Variants in PRKG1 observed in about 807,000 individuals in gnomAD.
The protein encoded by PRKG1 is cGMP-dependent protein kinase 1.
PRKG1 carries 35 observed loss-of-function variants against 88.1 expected under a neutral mutation model. That is an observed-to-expected ratio of 0.40 (90% confidence interval 0.30 to 0.53). PRKG1 has a LOEUF of 0.53. Among genes scored for constraint, PRKG1 ranks in the 20% least tolerant of loss-of-function variants. PRKG1 has a pLI of 0.59. For synonymous variants in PRKG1, 303 were observed against 292.5 expected (o/e 1.04, Z -0.37); for missense variants, 540 against 839.8 (o/e 0.64, Z 4.41).
chr10:51,084,224 G>C (rs1052294827), intron 1 of PRKG1, among the ~76,000 whole-genome samples: 2 of 152,114 alleles, frequency 1.3e-5, no homozygotes, highest in Non-Finnish European at 2.9e-5. Flanking sequence ...GTTATTGCGC[G>C]TAATTGGGGA....
intron 3 of PRKG1, among the ~76,000 whole-genome samples, chr10:51,628,122 C>CTCTTTCTTTCTTTCTTTCTT (rs11269617): frequency 8.6e-6 from 1 of 116,826 alleles, no homozygotes; most frequent in African/African-American, 3.3e-5. Context: ...TTCTTTATTT[C>CTCTTTCTTTCTTTCTTTCTT]TCTTTCTTTC....
intron 9 of PRKG1, among the ~76,000 whole-genome samples, chr10:52,216,747 G>C (rs1840122716): frequency 6.6e-6 from 1 of 152,100 alleles, no homozygotes; most frequent in Non-Finnish European, 1.5e-5. Context: ...TTTAAGATCA[G>C]TTTGTTATCT....
chr10:51,508,356 A>G (rs1216057099), intron 3 of PRKG1, among the ~76,000 whole-genome samples: 1 of 152,162 alleles, frequency 6.6e-6, no homozygotes, highest in Non-Finnish European at 1.5e-5. Context: ...TCATGATAAT[A>G]TTTTTAAAAA....
intron 2 of PRKG1, among the ~76,000 whole-genome samples, chr10:51,410,955 G>A (rs910355648): frequency 6.6e-6 from 1 of 151,332 alleles, no homozygotes; most frequent in Non-Finnish European, 1.5e-5. Flanking sequence ...AATTTTCTTA[G>A]TGATTTTCAG....
intron 1 of PRKG1, among the ~76,000 whole-genome samples, chr10:51,079,293 A>C (rs1844046317): frequency 6.6e-6 from 1 of 152,220 alleles, no homozygotes; most frequent in Non-Finnish European, 1.5e-5. Flanking sequence ...AAGGTAAGTC[A>C]CAGGGGAGAT....
At chr10:52,010,179 T>C (rs1024865385) in intron 5 of PRKG1, among the ~76,000 whole-genome samples, 1 of 152,138 alleles carries the variant, frequency 6.6e-6, no homozygotes, top group Non-Finnish European at 1.5e-5. Context: ...AACTGGTATC[T>C]AATTAAACTA....
intron 1 of PRKG1, among the ~76,000 whole-genome samples, chr10:51,136,595 C>T (rs368997008): frequency 3.3e-5 from 2 of 60,562 alleles, no homozygotes; most frequent in Admixed American, 2.4e-4. Context: ...GGGAGGGGGG[C>T]GGGGGGAGAG....
chr10:51,685,534 G>A (rs1367699972), intron 3 of PRKG1, among the ~76,000 whole-genome samples: 1 of 152,116 alleles, frequency 6.6e-6, no homozygotes, highest in East Asian at 1.9e-4. Context: ...GTCTGAAATT[G>A]CACTATTATA....
intron 3 of PRKG1, among the ~76,000 whole-genome samples, chr10:51,797,902 G>A (rs1179087481): frequency 1.3e-5 from 2 of 151,822 alleles, no homozygotes; most frequent in Non-Finnish European, 2.9e-5. Context: ...GACAATATTT[G>A]TCTTTTTGTA....
At chr10:51,636,979 A>G (rs1239451820) in intron 3 of PRKG1, among the ~76,000 whole-genome samples, 2 of 152,210 alleles carry the variant, frequency 1.3e-5, no homozygotes, top group Non-Finnish European at 1.5e-5. Context: ...GGCTATAGAC[A>G]GTGCCTACTT....
intron 2 of PRKG1, among the ~76,000 whole-genome samples, chr10:51,421,985 A>G (rs1048330148): frequency 2.0e-5 from 3 of 152,224 alleles, no homozygotes; most frequent in Non-Finnish European, 4.4e-5. Context: ...ATGCGAAGAC[A>G]GCATCAGCCA....
intron 4 of PRKG1, among the ~76,000 whole-genome samples, chr10:51,853,968 T>C (rs1840619459): frequency 6.6e-6 from 1 of 152,104 alleles, no homozygotes; most frequent in Non-Finnish European, 1.5e-5. Flanking sequence ...AAATGCAGAC[T>C]TGCAAAATTG....
At chr10:51,855,688 G>C (rs1840662813) in intron 4 of PRKG1, among the ~76,000 whole-genome samples, 1 of 152,088 alleles carries the variant, frequency 6.6e-6, no homozygotes, top group African/African-American at 2.4e-5. Context: ...AATTGTCTCT[G>C]GACTAAGGGA....
At chr10:52,120,322 C>A (rs1847790521) in intron 7 of PRKG1, among the ~76,000 whole-genome samples, 1 of 152,132 alleles carries the variant, frequency 6.6e-6, no homozygotes, top group Admixed American at 6.5e-5. Flanking sequence ...AAATTTACAT[C>A]CTTCTCACAT....
intron 4 of PRKG1, among the ~76,000 whole-genome samples, chr10:51,850,870 C>T (rs993352361): frequency 6.6e-5 from 10 of 152,020 alleles, no homozygotes; most frequent in Admixed American, 3.3e-4. Context: ...TATTCTCATG[C>T]GTTTTAGATG....
chr10:52,022,354 A>G (rs1199452155), intron 5 of PRKG1, among the ~76,000 whole-genome samples: 1 of 152,176 alleles, frequency 6.6e-6, no homozygotes, highest in African/African-American at 2.4e-5. Context: ...ATAGGAGTTT[A>G]ATTTTTTACT....
chr10:52,069,435 G>A (rs766901691), intron 7 of PRKG1, among the ~76,000 whole-genome samples: 4 of 152,110 alleles, frequency 2.6e-5, no homozygotes, highest in Non-Finnish European at 5.9e-5. Context: ...GGGGGCTGAA[G>A]TAGGAGAATC....
At chr10:52,164,667 C>T (rs575829581) in intron 9 of PRKG1, among the ~76,000 whole-genome samples, 1 of 152,096 alleles carries the variant, frequency 6.6e-6, no homozygotes, top group Non-Finnish European at 1.5e-5. Flanking sequence ...TGACTACTTA[C>T]ATCAAAGTAG....
chr10:51,635,581 C>T (rs1839637892), intron 3 of PRKG1, among the ~76,000 whole-genome samples: 1 of 151,986 alleles, frequency 6.6e-6, no homozygotes, highest in African/African-American at 2.4e-5. Flanking sequence ...AAAAATCAAC[C>T]ATTGTGCCAA....
Sources: allele counts gnomAD v4.1 joint callset (sites outside exome capture counted in the v4.1 genomes callset), GRCh38; gene constraint gnomAD v4.1.1; transcripts MANE v1.5; gene names NCBI Gene and HGNC (gene_info 2026-07-23, HGNC 2026-07-21).